ADGRV1: variants seen among roughly 807,000 people sequenced by gnomAD.
ADGRV1 encodes the protein adhesion G protein-coupled receptor V1.
Under a neutral mutation model 596.2 loss-of-function variants are expected in ADGRV1, and 359 were observed. That is an observed-to-expected ratio of 0.60 (90% CI 0.55 to 0.66). The LOEUF (loss-of-function observed/expected upper bound fraction) is 0.66, where lower values mean the gene tolerates loss of function less well. Ranked by LOEUF, ADGRV1 falls within the 30% of genes least tolerant of loss-of-function variation. The pLI is 0.00. For missense variants in ADGRV1, 7,274 were observed against 7,575.6 expected, an observed-to-expected ratio of 0.96 and a Z score of 1.48; for synonymous variants, 2,681 against 2,679.2, an observed-to-expected ratio of 1.00 and a Z score of -0.02.
chr5:91,054,326 C>G (rs796380657), intron 85 of ADGRV1, among the ~76,000 whole-genome samples: 7 of 152,124 alleles, frequency 4.6e-5, no homozygotes, highest in African/African-American at 1.7e-4. Context: ...TTAGGCACAT[C>G]AGTTAATCTT....
chr5:90,780,911 A>G (rs1041893253), intron 64 of ADGRV1, among the ~76,000 whole-genome samples: 1 of 152,116 alleles, frequency 6.6e-6, no homozygotes, highest in African/African-American at 2.4e-5. Flanking sequence ...CTCACTCACT[A>G]TGTTGCCCAG....
At chr5:91,074,277 G>A (rs903211065) in intron 86 of ADGRV1, among the ~76,000 whole-genome samples, 5 of 152,070 alleles carry the variant, frequency 3.3e-5, no homozygotes, top group Admixed American at 2.0e-4. Flanking sequence ...CACCACCCAG[G>A]TAATAAGCAC....
chr5:90,869,322 C>G (rs750326659), intron 83 of ADGRV1, among the ~76,000 whole-genome samples: 1 of 152,130 alleles, frequency 6.6e-6, no homozygotes, highest in African/African-American at 2.4e-5. Context: ...GTAAGGCTTG[C>G]AGATCCCACA....
chr5:91,111,067 A>G (rs1792322416), intron 87 of ADGRV1, among the ~76,000 whole-genome samples: 1 of 152,114 alleles, frequency 6.6e-6, no homozygotes, highest in African/African-American at 2.4e-5. Flanking sequence ...TCCTATCCCC[A>G]TGTCTTAAGC....
At chr5:90,736,899 T>TAA (rs1561629560) in intron 50 of ADGRV1, among the ~76,000 whole-genome samples, 154 of 151,742 alleles carry the variant, frequency 1.0e-3, no homozygotes, top group African/African-American at 3.4e-3. Context: ...ACTTTTTCTT[T>TAA]TAAAAAAAAA....
At chr5:90,700,948 G>T (rs1222798056) in intron 34 of ADGRV1, among the ~76,000 whole-genome samples, 1 of 152,020 alleles carries the variant, frequency 6.6e-6, no homozygotes, top group Admixed American at 6.5e-5. Flanking sequence ...TTTGTAAAAA[G>T]AATTCTGGTC....
intron 85 of ADGRV1, among the ~76,000 whole-genome samples, chr5:91,055,493 A>T (rs1342642793): frequency 6.6e-6 from 1 of 152,150 alleles, no homozygotes; most frequent in Non-Finnish European, 1.5e-5. Context: ...CAACAAATTT[A>T]TGGGGGAAAA....
intron 2 of ADGRV1, 58 bp from the exon 3 acceptor site, chr5:90,617,746 G>T: frequency 7.0e-7 from 1 of 1,418,480 alleles, no homozygotes; most frequent in Non-Finnish European, 9.7e-7. Context: ...ATTAACATCA[G>T]TTTTACTTGT....
At chr5:91,042,198 T>A (rs1286175664) in intron 85 of ADGRV1, among the ~76,000 whole-genome samples, 2 of 152,186 alleles carry the variant, frequency 1.3e-5, no homozygotes, top group African/African-American at 4.8e-5. Context: ...ATGAAAAGAT[T>A]GTGGTTTGCT....
chr5:90,778,291 G>A lies in ADGRV1; in HGVS notation c.12667-136G>A, dbSNP rs1419497915. ...TGTAACAGCATTTGGTATTGTGGAG[G>A]TGCCTGTGTATGGGATTAAGAGTGG... On this transcript the variant is annotated intron_variant, in intron 62 of 89. Coordinates refer to ENST00000405460, the MANE Select transcript of ADGRV1 (RefSeq NM_032119.4). 6.3e-6 allele frequency: 5 copies of A among 796,386 alleles called. No homozygotes were observed. In the East Asian group the frequency reaches 1.3e-4, roughly 21 times the overall value. 49.3% of individuals were successfully genotyped at this position (796,386 alleles called of 1,614,324 possible).
At chr5:90,791,606 T>C (rs540157852) in intron 70 of ADGRV1, 2 of 437,888 alleles carry the variant, frequency 4.6e-6, no homozygotes, top group African/African-American at 3.9e-5. Context: ...CTAGGAAATG[T>C]TTCCAGTGGT....
rs757870840 is a variant in ADGRV1, at chr5:90,646,118, G to A, written c.3022+27G>A. 4.7e-6 allele frequency: 7 copies of A among 1,503,956 alleles called. No individual in the cohort carries two copies. The East Asian group carries it at 1.5e-4, about 32-fold the overall frequency. 93.2% of individuals were successfully genotyped at this position (1,503,956 alleles called of 1,614,324 possible). A position where few individuals can be genotyped will look rare whatever the true frequency, so the allele number is the denominator to read the frequency against. ...TGGTATTGCTGTCTTATTTGAATGA[G>A]TTTACATATTTCTTAAATAGTATAT... On this transcript the variant is annotated intron_variant, in intron 16 of 89. Transcript: ENST00000405460.
intron 77 of ADGRV1, among the ~76,000 whole-genome samples, chr5:90,833,499 G>GCC (rs1764694413): frequency 6.6e-6 from 1 of 152,050 alleles, no homozygotes; most frequent in Non-Finnish European, 1.5e-5. Flanking sequence ...TACTCAGGCT[G>GCC]GTCTCAAACT....
At chr5:90,816,386 T>G (rs952597849) in intron 75 of ADGRV1, among the ~76,000 whole-genome samples, 1 of 150,788 alleles carries the variant, frequency 6.6e-6, no homozygotes. Flanking sequence ...TTAAATTTTA[T>G]TATTATTATA....
At chr5:91,010,677 G>A (rs917321325) in intron 85 of ADGRV1, among the ~76,000 whole-genome samples, 4 of 151,930 alleles carry the variant, frequency 2.6e-5, no homozygotes, top group Non-Finnish European at 5.9e-5. Context: ...ACTTACAGTG[G>A]AAACCTTCTG....
intron 85 of ADGRV1, among the ~76,000 whole-genome samples, chr5:91,020,420 C>T (rs765395758): frequency 7.9e-5 from 12 of 151,990 alleles, no homozygotes; most frequent in Non-Finnish European, 1.3e-4. Flanking sequence ...AGTACTTTCA[C>T]GTATATTATC....
chr5:90,922,660 A>G (rs976402667), intron 83 of ADGRV1, among the ~76,000 whole-genome samples: 3 of 152,148 alleles, frequency 2.0e-5, no homozygotes, highest in Non-Finnish European at 4.4e-5. Context: ...GTTATCATCT[A>G]TATAAACCTT....
In ADGRV1 at chr5:91,006,074, T is replaced by G. The variant is rs1188134636; in HGVS notation, c.18152+20552T>G. ...TTTTCAAACTAGAATACTTGTAGAG[T>G]GGCCAGAGTCACAGAGCCACAGGAT... On this transcript the variant is annotated intron_variant, in intron 85 of 89. Transcript: ENST00000405460. Among the ~76,000 whole-genome samples, 4 of 152,102 alleles carry G rather than the reference T, an allele frequency of 2.6e-5. No homozygotes were observed. In the East Asian group the frequency reaches 7.7e-4, roughly 29 times the overall value.
At chr5:90,691,384 CT>C (rs34426784) in intron 31 of ADGRV1, among the ~76,000 whole-genome samples, 27,847 of 123,072 alleles carry the variant, frequency 0.23, 3,030 homozygotes, top group African/African-American at 0.42. Flanking sequence ...AAACTTTTTT[CT>C]TTTTTTTTTT....
Sources: gnomAD v4.1 joint callset for allele counts (sites outside exome capture counted in the v4.1 genomes callset) on GRCh38, gnomAD v4.1.1 for gene constraint, MANE v1.5 for transcripts, NCBI Gene and HGNC (gene_info 2026-07-23, HGNC 2026-07-21) for gene names.